ZSWIM5: variants seen among roughly 807,000 people sequenced by gnomAD.
ZSWIM5 encodes the protein zinc finger SWIM domain-containing protein 5.
In ZSWIM5, 55 loss-of-function variants were observed where a neutral mutation model predicts 119.6. The ratio of observed to expected loss-of-function variants is 0.46; its 90% CI spans 0.37 to 0.58. ZSWIM5 has a LOEUF of 0.58. Among genes scored for constraint, ZSWIM5 ranks in the 20% least tolerant of loss-of-function variants. ZSWIM5 has a pLI of 0.00. For synonymous variants in ZSWIM5, 537 were observed against 606.9 expected, an observed-to-expected ratio of 0.88 and a Z score of 1.69; for missense variants, 1,193 against 1,512.8, an observed-to-expected ratio of 0.79 and a Z score of 3.51.
intron 1 of ZSWIM5, among the ~76,000 whole-genome samples, chr1:45,154,589 A>G (rs1428799019): frequency 6.6e-6 from 1 of 152,190 alleles, no homozygotes; most frequent in Non-Finnish European, 1.5e-5. Flanking sequence ...CACAAAAGTC[A>G]GCTCAAGATT....
intron 1 of ZSWIM5, among the ~76,000 whole-genome samples, chr1:45,161,463 T>C (rs943181626): frequency 9.2e-5 from 14 of 152,182 alleles, no homozygotes; most frequent in South Asian, 2.1e-4. Flanking sequence ...TGGGGTAAGA[T>C]GGTATCTCAC....
chr1:45,179,547 G>A (rs571647963), intron 1 of ZSWIM5, among the ~76,000 whole-genome samples: 49 of 152,152 alleles, frequency 3.2e-4, no homozygotes, highest in Admixed American at 3.1e-3. Flanking sequence ...CTTCAGCACC[G>A]TGAAATATTC....
intron 1 of ZSWIM5, among the ~76,000 whole-genome samples, chr1:45,097,938 G>T (rs991764297): frequency 5.9e-5 from 9 of 152,158 alleles, no homozygotes; most frequent in Non-Finnish European, 1.2e-4. Flanking sequence ...AATAGCGGGG[G>T]ACCTGAACTG....
intron 6 of ZSWIM5, among the ~76,000 whole-genome samples, chr1:45,042,236 G>A (rs1244769367): frequency 1.3e-5 from 2 of 152,144 alleles, no homozygotes; most frequent in African/African-American, 2.4e-5. Flanking sequence ...ACTCCTATAA[G>A]TAGTAAATGA....
intron 1 of ZSWIM5, among the ~76,000 whole-genome samples, chr1:45,179,546 C>T (rs192289532): frequency 7.9e-5 from 12 of 152,162 alleles, no homozygotes; most frequent in Admixed American, 2.6e-4. Flanking sequence ...ACTTCAGCAC[C>T]GTGAAATATT....
chr1:45,189,314 C>A (rs1646077385), intron 1 of ZSWIM5, among the ~76,000 whole-genome samples: 1 of 151,384 alleles, frequency 6.6e-6, no homozygotes, highest in South Asian at 2.1e-4. Context: ...GACTCTGTCT[C>A]AAAGAAAATA....
intron 1 of ZSWIM5, among the ~76,000 whole-genome samples, chr1:45,147,584 CAAAA>C: frequency 1.1e-5 from 1 of 93,310 alleles, no homozygotes; most frequent in South Asian, 4.3e-4. Flanking sequence ...TTTACACATG[CAAAA>C]AAAAAAAAAA....
chr1:45,178,970 A>G (rs111720840), intron 1 of ZSWIM5, among the ~76,000 whole-genome samples: 1 of 152,116 alleles, frequency 6.6e-6, no homozygotes, highest in Non-Finnish European at 1.5e-5. Context: ...TTAGGGGTAC[A>G]AGATCAACAT....
At chr1:45,034,993 G>A (rs12047556) in intron 10 of ZSWIM5, among the ~76,000 whole-genome samples, 90,118 of 151,810 alleles carry the variant, frequency 0.59, 27,983 homozygotes, top group Middle Eastern at 0.76. Flanking sequence ...TCACCATGCT[G>A]CCCAGGCTGG....
chr1:45,088,095 G>C lies in ZSWIM5; in HGVS notation c.738C>G (p.Ala246=), dbSNP rs1273411581. 1.2e-6 allele frequency: 2 copies of C among 1,614,100 alleles called. No homozygotes were observed. Among genetic ancestry groups the C allele is most frequent in the South Asian group, 1.1e-5 (1 of 91,080 alleles). The change falls in exon 2 of 14, where the codon GCC becomes GCG. Residue 246 remains alanine, a synonymous_variant. Transcript: ENST00000359600. This position sits in a 1 kb window ranked among gnomAD's most constrained non-coding sequence, Gnocchi z 4.2. ...GCGNKDIFYC[A]HVVALSLYRI... ...TGTAGAGTGAGAGTGCTACCACATG[G>C]GCACAGTAGAATATGTCCTTGTTCC...
chr1:45,026,701 C>T (rs1440304033), intron 11 of ZSWIM5, among the ~76,000 whole-genome samples: 1 of 152,006 alleles, frequency 6.6e-6, no homozygotes, highest in African/African-American at 2.4e-5. Context: ...ATGTCTTTAT[C>T]TAGTTTTGGT....
intron 1 of ZSWIM5, among the ~76,000 whole-genome samples, chr1:45,202,684 T>C (rs4084064): frequency 0.052 from 7,880 of 152,124 alleles, 279 homozygotes; most frequent in Middle Eastern, 0.078. Flanking sequence ...TAAAACTAAA[T>C]ATCCAAGTAA....
rs776188534 is a variant in ZSWIM5 at position 45,205,983 on chromosome 1, G to A, written c.368C>T (p.Ala123Val). Residue 123 changes from alanine to valine, a missense_variant, in exon 1 of 14, where the codon GCC becomes GTC. Ala to Val is a moderately conservative substitution (Grantham distance 64). This residue lies in a region of ZSWIM5 where 232 missense variants were observed against 222.9 expected (regional missense o/e 1.04). Transcript: ENST00000359600. ...SSFQYRGGPG[A>V]GAAGGAAGAS... Reference sequence around the variant, plus strand: ...CCCCGCGGCGCCGCCAGCAGCGCCGGCGCCGGGGCCGCCCCGGTACTGGAA... The same window carrying A: ...CCCCGCGGCGCCGCCAGCAGCGCCGACGCCGGGGCCGCCCCGGTACTGGAA... 1.4e-6 allele frequency: 2 copies of A among 1,444,556 alleles called. No homozygotes were observed. The highest frequency in any genetic ancestry group is 3.1e-5 in the South Asian group (2 of 65,278). The allele number at this position is 1,444,556 out of a possible 1,614,324, so 89.5% of individuals were successfully genotyped here.
intron 11 of ZSWIM5, among the ~76,000 whole-genome samples, chr1:45,028,822 C>T (rs948542126): frequency 6.6e-6 from 1 of 152,054 alleles, no homozygotes; most frequent in Non-Finnish European, 1.5e-5. Flanking sequence ...GTGGCTCACA[C>T]CTGTAATCCC....
chr1:45,068,853 T>C (rs1420246974), intron 2 of ZSWIM5, among the ~76,000 whole-genome samples: 1 of 129,766 alleles, frequency 7.7e-6, no homozygotes, highest in Non-Finnish European at 1.6e-5. Context: ...CAGGCTGGAG[T>C]GCAGTGGTGC....
chr1:45,034,036 G>C (rs987593542), intron 11 of ZSWIM5, among the ~76,000 whole-genome samples: 5 of 152,258 alleles, frequency 3.3e-5, no homozygotes, highest in African/African-American at 1.2e-4. Flanking sequence ...TGTATTTTTA[G>C]TAGAGATGGG....
At chr1:45,145,180 T>C (rs148559350) in intron 1 of ZSWIM5, among the ~76,000 whole-genome samples, 8 of 152,272 alleles carry the variant, frequency 5.3e-5, no homozygotes, top group Admixed American at 4.6e-4. Flanking sequence ...CTGATGAAGA[T>C]GCAGAACCAG....
intron 2 of ZSWIM5, among the ~76,000 whole-genome samples, chr1:45,080,238 C>T (rs1000773202): frequency 1.3e-5 from 2 of 152,126 alleles, no homozygotes; most frequent in African/African-American, 4.8e-5. Flanking sequence ...GACTGCCTTT[C>T]GAGTTTATTT....
chr1:45,194,259 G>C, intron 1 of ZSWIM5, among the ~76,000 whole-genome samples: 1 of 152,076 alleles, frequency 6.6e-6, no homozygotes, highest in East Asian at 1.9e-4. Flanking sequence ...TTATCTCCAA[G>C]GCTTTCAAAG....
Sources: gnomAD v4.1 joint callset for allele counts (sites outside exome capture counted in the v4.1 genomes callset) on GRCh38, gnomAD v4.1.1 for gene constraint, gnomAD v4.1.1 regional missense constraint, Gnocchi (gnomAD v3.1) non-coding constraint, MANE v1.5 for transcripts, NCBI Gene and HGNC (gene_info 2026-07-23, HGNC 2026-07-21) for gene names.